The following TIMP2 variants were observed in gnomAD, a reference collection of about 807,000 sequenced individuals.
The protein encoded by TIMP2 is metalloproteinase inhibitor 2.
In TIMP2, 5 loss-of-function variants were observed where a neutral mutation model predicts 24.3. The ratio of observed to expected loss-of-function variants is 0.21; its 90% CI spans 0.11 to 0.43. The LOEUF is 0.43. Among genes scored for constraint, TIMP2 ranks in the 20% least tolerant of loss-of-function variants. The pLI, the probability that TIMP2 is intolerant of heterozygous loss-of-function variation, is 1.00. For missense variants in TIMP2, 221 were observed against 297.5 expected (o/e 0.74, Z 1.89); for synonymous variants, 130 against 123.2 (o/e 1.06, Z -0.37).
At chr17:78,890,698 C>A in intron 1 of TIMP2, 3 of 1,550,606 alleles carry the variant, frequency 1.9e-6, no homozygotes, top group Non-Finnish European at 2.6e-6. Context: ...ACTGCTTGTG[C>A]AACCTGTTTT....
chr17:78,888,861 A>C (rs994629739), intron 1 of TIMP2, among the ~76,000 whole-genome samples: 7 of 152,216 alleles, frequency 4.6e-5, no homozygotes, highest in African/African-American at 1.7e-4. Context: ...TATTGTCTAC[A>C]AAATATACAT....
chr17:78,868,117 T>C (rs181625452), intron 3 of TIMP2, among the ~76,000 whole-genome samples: 42 of 152,312 alleles, frequency 2.8e-4, no homozygotes, highest in Non-Finnish European at 5.7e-4. Context: ...GGGAAAAAAG[T>C]ACATGTCACC....
chr17:78,891,601 C>T lies in TIMP2; in HGVS notation c.131-17682G>A. The T allele has an allele frequency of 6.4e-7, 1 of 1,550,926 alleles. No homozygotes were observed. Among genetic ancestry groups the T allele is most frequent in the Non-Finnish European group, 8.7e-7 (1 of 1,147,066 alleles). ...GCCCGAGGTCTCTCAGCTTCCCCTC[C>T]AGACTCTGTCCCTGAGAGCGACTGG... On this transcript the variant is annotated intron_variant, in intron 1 of 4. Transcript: ENST00000262768. This position sits in a 1 kb window ranked among gnomAD's most constrained non-coding sequence, Gnocchi z 4.5.
At chr17:78,864,050 T>C (rs554577694) in intron 3 of TIMP2, among the ~76,000 whole-genome samples, 15 of 152,128 alleles carry the variant, frequency 9.9e-5, no homozygotes, top group Admixed American at 5.2e-4. Context: ...TTGTATTTCT[T>C]CACATCTTTT....
intron 1 of TIMP2, among the ~76,000 whole-genome samples, chr17:78,923,591 A>G (rs2070326348): frequency 6.6e-6 from 1 of 152,126 alleles, no homozygotes; most frequent in Non-Finnish European, 1.5e-5. Flanking sequence ...CTCCCTCATC[A>G]AAGGAACCTC....
rs2070342351 is a variant in TIMP2 at position 78,925,272 on chromosome 17, C to A, written c.-184G>T. 9.2e-6 allele frequency: 1 copy of A among 108,612 alleles called. No individual in the cohort carries two copies. The highest frequency in any genetic ancestry group is 3.6e-5 in the African/African-American group (1 of 27,904). 6.7% of individuals were successfully genotyped at this position (108,612 alleles called of 1,614,324 possible). A position where few individuals can be genotyped will look rare whatever the true frequency, so the allele number is the denominator to read the frequency against. Reference sequence around the variant, plus strand: ...CTTTCTCTCCTCTTTGTCTCGGGGGCGCGAGGGGAGGGGCGCGGGGCGCAA... The same window carrying A: ...CTTTCTCTCCTCTTTGTCTCGGGGGAGCGAGGGGAGGGGCGCGGGGCGCAA... On this transcript the variant is annotated 5_prime_UTR_variant, in exon 1 of 5. Transcript: ENST00000262768.
intron 1 of TIMP2, among the ~76,000 whole-genome samples, chr17:78,910,400 C>T (rs1038051754): frequency 1.3e-5 from 2 of 152,124 alleles, no homozygotes; most frequent in Admixed American, 6.6e-5. Flanking sequence ...ACCATTTTGG[C>T]CAGGCTGGTC....
intron 3 of TIMP2, among the ~76,000 whole-genome samples, chr17:78,867,838 A>T (rs1159549727): frequency 6.6e-6 from 1 of 151,816 alleles, no homozygotes; most frequent in Non-Finnish European, 1.5e-5. Context: ...TGACCTCATG[A>T]TCTGCCCGTC....
chr17:78,856,967 A>T (rs1351059848), intron 4 of TIMP2: 1 of 152,446 alleles, frequency 6.6e-6, no homozygotes, highest in African/African-American at 2.4e-5. Context: ...CTTACTCTCA[A>T]ATCTCCTAGC....
At chr17:78,885,604 G>C (rs1334864788) in intron 1 of TIMP2, among the ~76,000 whole-genome samples, 1 of 152,242 alleles carries the variant, frequency 6.6e-6, no homozygotes, top group Non-Finnish European at 1.5e-5. Flanking sequence ...GGCTCGCAAG[G>C]CAGGGGGCAG....
intron 3 of TIMP2, among the ~76,000 whole-genome samples, chr17:78,870,440 A>G (rs2069670074): frequency 6.6e-6 from 1 of 151,198 alleles, no homozygotes; most frequent in Non-Finnish European, 1.5e-5. Context: ...AAAGAAAGAA[A>G]GAAAGAAAGA....
At chr17:78,886,889 T>A (rs2069829868) in intron 1 of TIMP2, among the ~76,000 whole-genome samples, 2 of 152,188 alleles carry the variant, frequency 1.3e-5, no homozygotes, top group Non-Finnish European at 2.9e-5. Flanking sequence ...TATGCCTGGC[T>A]ACTTTTTGTT....
chr17:78,918,078 A>ACACGCG (rs1555652984), intron 1 of TIMP2, among the ~76,000 whole-genome samples: 36 of 149,254 alleles, frequency 2.4e-4, no homozygotes, highest in African/African-American at 8.9e-4. Flanking sequence ...ACACACACAC[A>ACACGCG]CACACACACA....
chr17:78,858,932 G>T (rs991088566), intron 3 of TIMP2, among the ~76,000 whole-genome samples: 1 of 152,100 alleles, frequency 6.6e-6, no homozygotes, highest in Non-Finnish European at 1.5e-5. Context: ...CTCCCACCTT[G>T]ACTTCCCAAA....
intron 1 of TIMP2, among the ~76,000 whole-genome samples, chr17:78,885,019 T>G (rs559584173): frequency 6.6e-6 from 1 of 152,186 alleles, no homozygotes; most frequent in South Asian, 2.1e-4. Flanking sequence ...GGTGAACAGG[T>G]AGCACCTGCC....
At chr17:78,868,226 G>T (rs565527029) in intron 3 of TIMP2, among the ~76,000 whole-genome samples, 1 of 152,146 alleles carries the variant, frequency 6.6e-6, no homozygotes, top group Admixed American at 6.6e-5. Flanking sequence ...ACCAGGCTAG[G>T]GGAATTGTCT....
intron 1 of TIMP2, among the ~76,000 whole-genome samples, chr17:78,912,273 G>A (rs1158308419): frequency 6.6e-6 from 1 of 152,188 alleles, no homozygotes; most frequent in African/African-American, 2.4e-5. Context: ...TGGTTAAGCA[G>A]CAGCTGTTGG....
intron 1 of TIMP2, among the ~76,000 whole-genome samples, chr17:78,893,851 G>A (rs2069957551): frequency 6.6e-6 from 1 of 152,128 alleles, no homozygotes; most frequent in East Asian, 1.9e-4. Flanking sequence ...TAGGAAAGGA[G>A]GGGCATTTAC....
intron 3 of TIMP2, among the ~76,000 whole-genome samples, chr17:78,859,238 C>A (rs1297990538): frequency 6.6e-6 from 1 of 152,186 alleles, no homozygotes; most frequent in East Asian, 1.9e-4. Flanking sequence ...GACTCAGCTG[C>A]CTCCTTCCTT....
Sources: allele counts gnomAD v4.1 joint callset (sites outside exome capture counted in the v4.1 genomes callset), GRCh38; gene constraint gnomAD v4.1.1; non-coding constraint Gnocchi (gnomAD v3.1); transcripts MANE v1.5; gene names NCBI Gene and HGNC (gene_info 2026-07-23, HGNC 2026-07-21).